ABCA13: variants seen among roughly 807,000 people sequenced by gnomAD.
ABCA13 encodes ATP-binding cassette sub-family A member 13.
ABCA13 carries 476 observed loss-of-function variants against 478.7 expected under a neutral mutation model. That is an observed-to-expected ratio of 0.99 (90% CI 0.92 to 1.07). The LOEUF (loss-of-function observed/expected upper bound fraction) is 1.07. Ranked by LOEUF, ABCA13 falls within the 50% of genes least tolerant of loss-of-function variation. The pLI is 0.00. For synonymous variants in ABCA13, 2,252 were observed against 2,158.9 expected (o/e 1.04, Z -1.20); for missense variants, 6,060 against 5,910.6 (o/e 1.03, Z -0.83).
At chr7:48,496,925 T>G (rs1020985326) in intron 48 of ABCA13, among the ~76,000 whole-genome samples, 5 of 152,090 alleles carry the variant, frequency 3.3e-5, no homozygotes, top group Admixed American at 3.3e-4. Context: ...TTTGGTTTTA[T>G]CCTATTTGGG....
chr7:48,362,654 A>T (rs1405153489), intron 31 of ABCA13, among the ~76,000 whole-genome samples: 1 of 151,482 alleles, frequency 6.6e-6, no homozygotes, highest in East Asian at 1.9e-4. Context: ...CTAATATTTA[A>T]TAATGTTTTA....
At chr7:48,259,610 G>A (rs2128719155) in intron 15 of ABCA13, among the ~76,000 whole-genome samples, 1 of 152,022 alleles carries the variant, frequency 6.6e-6, no homozygotes, top group East Asian at 1.9e-4. Flanking sequence ...TACATTCAAG[G>A]TTAATATTAA....
chr7:48,619,454 C>G (rs1792918453), intron 59 of ABCA13, among the ~76,000 whole-genome samples: 2 of 152,166 alleles, frequency 1.3e-5, no homozygotes, highest in South Asian at 4.1e-4. Context: ...AATATTAGAT[C>G]TTTTGCTCGT....
intron 12 of ABCA13, 96 bp downstream of exon 12, chr7:48,245,708 A>G (rs1791560282): frequency 1.4e-6 from 2 of 1,452,860 alleles, no homozygotes; most frequent in Non-Finnish European, 1.9e-6. Flanking sequence ...GAATTGTGCT[A>G]GCTAAAAAAG....
intron 7 of ABCA13, among the ~76,000 whole-genome samples, chr7:48,230,329 A>G (rs1041455470): frequency 2.0e-5 from 3 of 152,192 alleles, no homozygotes; most frequent in Non-Finnish European, 4.4e-5. Context: ...AAAAATGGCA[A>G]AGCTAGTAAG....
chr7:48,499,429 A>G (rs2130796698), intron 48 of ABCA13, among the ~76,000 whole-genome samples: 1 of 152,316 alleles, frequency 6.6e-6, no homozygotes, highest in East Asian at 1.9e-4. Context: ...TTATAGGAGT[A>G]ATGAACCCGA....
chr7:48,590,335 G>A (rs925899327), intron 57 of ABCA13, among the ~76,000 whole-genome samples: 6 of 152,010 alleles, frequency 3.9e-5, no homozygotes, highest in African/African-American at 1.4e-4. Context: ...AACAGGGAGA[G>A]AGAGAGAAAG....
rs1791611213 is a variant in ABCA13 at position 48,245,984 on chromosome 7, C to T, written c.1613C>T (p.Ser538Phe). Residue 538 changes from serine to phenylalanine, a missense_variant, in exon 13 of 62, where the codon TCT (serine) becomes TTT (phenylalanine). Ser to Phe is a radical substitution (Grantham distance 155, BLOSUM62 -2). Transcript: ENST00000435803. ...LQGLLCYCNS[S>F]ETSVLNKLLG... is the part of the protein sequence containing the mutation. ...GGACTGTTGTGCTATTGTAACTCCT[C>T]TGAGACGAGTGTTTTAAACAAGCTA... The T allele has an allele frequency of 6.2e-7, 1 of 1,613,742 alleles. No homozygotes were observed. The highest frequency in any genetic ancestry group is 8.5e-7 in the Non-Finnish European group (1 of 1,179,766).
chr7:48,397,475 G>T (rs1388837460), intron 38 of ABCA13, among the ~76,000 whole-genome samples: 2 of 150,332 alleles, frequency 1.3e-5, no homozygotes, highest in Admixed American at 1.3e-4. Context: ...AATTAAAATT[G>T]TAAAAAAAAA....
At chr7:48,542,049 A>G (rs1191720822) in intron 55 of ABCA13, among the ~76,000 whole-genome samples, 4 of 151,672 alleles carry the variant, frequency 2.6e-5, no homozygotes, top group African/African-American at 9.7e-5. Flanking sequence ...AGGCAAAGAC[A>G]CTACTAAATA....
chr7:48,469,738 G>C (rs1182154056), intron 44 of ABCA13, among the ~76,000 whole-genome samples: 2 of 152,070 alleles, frequency 1.3e-5, no homozygotes, highest in Non-Finnish European at 2.9e-5. Context: ...GGCCAACATG[G>C]TGAAACCCCG....
chr7:48,493,586 T>C (rs1294172703), intron 48 of ABCA13, among the ~76,000 whole-genome samples: 2 of 152,146 alleles, frequency 1.3e-5, no homozygotes, highest in Non-Finnish European at 2.9e-5. Flanking sequence ...ATGATAGCAG[T>C]TGTAAAGGTT....
At chr7:48,216,183 G>A (rs753828901) in intron 3 of ABCA13, among the ~76,000 whole-genome samples, 4 of 152,090 alleles carry the variant, frequency 2.6e-5, no homozygotes, top group Non-Finnish European at 2.9e-5. Flanking sequence ...GTTTTTCAAC[G>A]TGGCTCTACC....
At chr7:48,558,125 CCCTTCCTT>C (rs571602470) in intron 55 of ABCA13, among the ~76,000 whole-genome samples, 2 of 150,008 alleles carry the variant, frequency 1.3e-5, no homozygotes, top group East Asian at 2.0e-4. Context: ...TTGTACCTTC[CCCTTCCTT>C]CCTTCCTTCC....
intron 1 of ABCA13, among the ~76,000 whole-genome samples, chr7:48,185,156 T>C (rs1796197073): frequency 6.6e-6 from 1 of 152,194 alleles, no homozygotes; most frequent in South Asian, 2.1e-4. Flanking sequence ...ACCAGTTTTA[T>C]AGCACAATTT....
intron 42 of ABCA13, among the ~76,000 whole-genome samples, chr7:48,447,473 T>A (rs1039493311): frequency 6.6e-6 from 1 of 152,200 alleles, no homozygotes; most frequent in African/African-American, 2.4e-5. Flanking sequence ...GACTTTACTT[T>A]GTTAACTACT....
intron 18 of ABCA13, 95 bp downstream of exon 18, chr7:48,280,015 T>A: frequency 7.8e-7 from 1 of 1,288,070 alleles, no homozygotes; most frequent in South Asian, 2.6e-5. Context: ...GGGTAAGTAG[T>A]TCTTCTTGAC....
At chr7:48,371,020 AT>A (rs539207618) in intron 32 of ABCA13, among the ~76,000 whole-genome samples, 1 of 152,264 alleles carries the variant, frequency 6.6e-6, no homozygotes, top group African/African-American at 2.4e-5. Flanking sequence ...TCCTGGTACC[AT>A]TTATTAAATA....
At chr7:48,248,504 G>T in intron 14 of ABCA13, 60 bp downstream of exon 14, 1 of 1,323,220 alleles carries the variant, frequency 7.6e-7, no homozygotes, top group Non-Finnish European at 1.0e-6. Flanking sequence ...GATTTCAACT[G>T]CCCCTTCTAC....
Sources: gnomAD v4.1 joint callset for allele counts (sites outside exome capture counted in the v4.1 genomes callset) on GRCh38, gnomAD v4.1.1 for gene constraint, MANE v1.5 for transcripts, NCBI Gene and HGNC (gene_info 2026-07-23, HGNC 2026-07-21) for gene names.